The following MLIP variants were observed in gnomAD, a reference collection of about 807,000 sequenced individuals.
The protein encoded by MLIP is muscular LMNA-interacting protein.
MLIP carries 79 observed loss-of-function variants against 84.8 expected under a neutral mutation model. The observed-to-expected ratio is 0.93, with a 90% CI of 0.78 to 1.12. MLIP has a LOEUF of 1.12. Ranked by LOEUF, MLIP falls within the 50% of genes most tolerant of loss-of-function variation. The pLI, the probability that MLIP is intolerant of heterozygous loss-of-function variation, is 0.00. For missense variants in MLIP, 1,257 were observed against 1,160.6 expected (o/e 1.08, Z -1.21); for synonymous variants, 504 against 463.0 (o/e 1.09, Z -1.14).
chr6:54,087,236 G>T (rs76048090), intron 1 of MLIP, among the ~76,000 whole-genome samples: 1 of 152,146 alleles, frequency 6.6e-6, no homozygotes. Context: ...CTATAGCTGT[G>T]CCTCTTCTGT....
intron 9 of MLIP, among the ~76,000 whole-genome samples, chr6:54,185,850 G>A (rs548414753): frequency 6.6e-6 from 1 of 152,062 alleles, no homozygotes; most frequent in Non-Finnish European, 1.5e-5. Flanking sequence ...TCCATTATGA[G>A]GTTAATAATG....
At position 54,137,591 on chromosome 6, in the gene MLIP, C is replaced by T; in HGVS notation, c.1522C>T (p.Leu508Phe). The change falls in exon 4 of 14, where the codon CTC (leucine) becomes TTC (phenylalanine). Residue 508 changes from leucine to phenylalanine, a missense_variant. Leu to Phe is a conservative substitution (Grantham distance 22). Coordinates refer to ENST00000502396, the MANE Select transcript of MLIP (RefSeq NM_001281747.2). ...TACTCCGCTTTCTCAGGCGCCCTCC[C>T]TCTCTCCTACAAAACAGGCTAGTAG... is the stretch of plus-strand genomic sequence containing the variant. ...KSTPLSQAPS[L>F]SPTKQASSSL... 1 of 1,536,138 alleles carries T rather than the reference C, an allele frequency of 6.5e-7. No homozygotes were observed. The highest frequency in any genetic ancestry group is 8.7e-7 in the Non-Finnish European group (1 of 1,146,910).
chr6:54,148,124 G>A (rs1451741464), intron 4 of MLIP, among the ~76,000 whole-genome samples: 1 of 151,978 alleles, frequency 6.6e-6, no homozygotes. Flanking sequence ...ACTTTGTTTT[G>A]CTTTTGAAGA....
intron 9 of MLIP, among the ~76,000 whole-genome samples, chr6:54,183,807 C>T (rs957195120): frequency 1.6e-4 from 23 of 140,000 alleles, no homozygotes; most frequent in Admixed American, 6.9e-4. Flanking sequence ...TGCAGTGGCG[C>T]GATCGTGACT....
intron 1 of MLIP, among the ~76,000 whole-genome samples, chr6:54,081,484 T>G (rs1225812735): frequency 6.6e-6 from 1 of 152,184 alleles, no homozygotes; most frequent in African/African-American, 2.4e-5. Flanking sequence ...CTCCGCTCAC[T>G]GCAACCTCCG....
intron 1 of MLIP, among the ~76,000 whole-genome samples, chr6:54,063,721 C>CGTGTGT (rs368630379): frequency 0.048 from 6,813 of 143,156 alleles, 181 homozygotes; most frequent in East Asian, 0.073. Context: ...AGGTCAGTGG[C>CGTGTGT]GTGTGTGTGT....
At chr6:54,045,111 G>T (rs1169369804) in intron 1 of MLIP, among the ~76,000 whole-genome samples, 4 of 152,018 alleles carry the variant, frequency 2.6e-5, no homozygotes, top group Admixed American at 2.6e-4. Context: ...CACTTAGGGA[G>T]GCCGAGGTGG....
At chr6:54,027,374 TACACACACACACACAC>T (rs70980886) in intron 1 of MLIP, among the ~76,000 whole-genome samples, 3,509 of 148,580 alleles carry the variant, frequency 0.024, 79 homozygotes, top group African/African-American at 0.046. Flanking sequence ...ATAAAAAAAA[TACACACACACACACAC>T]ACACACACAC....
At position 54,033,356 on chromosome 6, in the gene MLIP, T is replaced by C. The variant is rs1174745727; in HGVS notation, c.63+14265T>C. 4.0e-5 allele frequency among the ~76,000 whole-genome samples: 6 copies of C among 151,582 alleles called. No individual in the cohort carries two copies. The East Asian group carries it at 1.2e-3, about 30-fold the overall frequency. The stretch of plus-strand genomic sequence containing the variant: ...GTCTCAGCTCACTGCAACCTCCGCC[T>C]CCCGGGTTCAAGTGATTCTCTTGCC... On this transcript the variant is annotated intron_variant, in intron 1 of 12. Coordinates refer to the MLIP transcript ENST00000274897.
At chr6:54,228,883 C>A (rs534571493) in intron 11 of MLIP, among the ~76,000 whole-genome samples, 1 of 152,326 alleles carries the variant, frequency 6.6e-6, no homozygotes, top group East Asian at 1.9e-4. Context: ...TCATATTAAT[C>A]ACTTTCACAC....
intron 8 of MLIP, among the ~76,000 whole-genome samples, chr6:54,163,623 A>G (rs1337871580): frequency 1.3e-5 from 2 of 152,002 alleles, no homozygotes; most frequent in Non-Finnish European, 2.9e-5. Flanking sequence ...TAAGTACTAT[A>G]GCACTTTTCA....
At chr6:54,149,031 C>T in intron 4 of MLIP, 25 bp from the exon 5 acceptor site, 1 of 1,601,232 alleles carries the variant, frequency 6.2e-7, no homozygotes, top group Non-Finnish European at 8.6e-7. Context: ...CATCTCTACT[C>T]TTGCTTTCTG....
chr6:54,082,674 T>C (rs904663228), intron 1 of MLIP, among the ~76,000 whole-genome samples: 2 of 152,230 alleles, frequency 1.3e-5, no homozygotes, highest in African/African-American at 4.8e-5. Context: ...CATTTGGTAT[T>C]GCCAATTTGG....
At chr6:54,158,697 G>C (rs1466045548) in intron 5 of MLIP, among the ~76,000 whole-genome samples, 2 of 151,960 alleles carry the variant, frequency 1.3e-5, no homozygotes, top group Non-Finnish European at 2.9e-5. Context: ...CCAGTATAAA[G>C]CTGAGCTCAT....
At chr6:54,234,167 AG>A (rs1363749273) in intron 12 of MLIP, among the ~76,000 whole-genome samples, 1 of 152,132 alleles carries the variant, frequency 6.6e-6, no homozygotes, top group Non-Finnish European at 1.5e-5. Flanking sequence ...GCAGGTTAAG[AG>A]GATGATGCCT....
intron 12 of MLIP, among the ~76,000 whole-genome samples, chr6:54,252,466 A>C (rs1038627460): frequency 7.2e-6 from 1 of 138,308 alleles, no homozygotes; most frequent in Non-Finnish European, 1.5e-5. Context: ...ATAACATATA[A>C]TATAAATATA....
intron 1 of MLIP, among the ~76,000 whole-genome samples, chr6:54,026,796 C>A (rs1763829649): frequency 6.6e-6 from 1 of 151,680 alleles, no homozygotes; most frequent in Admixed American, 6.6e-5. Flanking sequence ...TCCCTAAGTG[C>A]CAACTAGTAT....
intron 9 of MLIP, among the ~76,000 whole-genome samples, chr6:54,175,087 A>G (rs9464027): frequency 0.093 from 14,050 of 151,800 alleles, 820 homozygotes; most frequent in East Asian, 0.21. Flanking sequence ...TGGGTTCTGT[A>G]TTCTGTTCCA....
chr6:54,040,744 T>G (rs918462156), intron 1 of MLIP, among the ~76,000 whole-genome samples: 2 of 152,004 alleles, frequency 1.3e-5, no homozygotes, highest in Admixed American at 1.3e-4. Flanking sequence ...ATAAAAAAGA[T>G]AGAAATCATG....
Sources: gnomAD v4.1 joint callset for allele counts (sites outside exome capture counted in the v4.1 genomes callset) on GRCh38, gnomAD v4.1.1 for gene constraint, MANE v1.5 for transcripts, NCBI Gene and HGNC (gene_info 2026-07-23, HGNC 2026-07-21) for gene names.